Variants in MICAL2 observed in about 807,000 individuals in gnomAD.
MICAL2 encodes microtubule associated monooxygenase, calponin and LIM domain containing 2, also known as [F-actin]-monooxygenase MICAL2.
Under a neutral mutation model 127.3 loss-of-function variants are expected in MICAL2, and 77 were observed. The observed-to-expected ratio is 0.60, with a 90% CI of 0.50 to 0.73. MICAL2 has a LOEUF of 0.73. Among genes scored for constraint, MICAL2 ranks in the 30% least tolerant of loss-of-function variants. The pLI is 0.00. For synonymous variants in MICAL2, 570 were observed against 551.1 expected (o/e 1.03, Z -0.48); for missense variants, 1,351 against 1,434.4 (o/e 0.94, Z 0.94).
intron 3 of MICAL2, among the ~76,000 whole-genome samples, chr11:12,193,487 T>C (rs1227760549): frequency 6.6e-6 from 1 of 152,188 alleles, no homozygotes; most frequent in Non-Finnish European, 1.5e-5. Context: ...CTGTTGTCCA[T>C]GGATAGGATC....
intron 3 of MICAL2, among the ~76,000 whole-genome samples, chr11:12,167,052 C>T (rs11022217): frequency 0.39 from 59,760 of 151,890 alleles, 14,483 homozygotes; most frequent in Middle Eastern, 0.61. Context: ...AACAGAGGGT[C>T]TCGTACTCAA....
In MICAL2 at chr11:12,244,018, C is replaced by T. The variant is rs1590599723; in HGVS notation, c.2690C>T (p.Thr897Ile). The change falls in exon 21 of 28, where the codon ACT becomes ATT. Residue 897 changes from threonine to isoleucine, a missense_variant. Thr to Ile is a moderately conservative substitution (Grantham distance 89). Coordinates refer to ENST00000683283, the MANE Select transcript of MICAL2 (RefSeq NM_001282663.2). ...CTACTCTCTAAAGGCCTGTCTCATA[C>T]TCATCCTCCATCTCCTCCCTCTCGC... ...NKLLSKGLSH[T>I]HPPSPPSRLP... 1 of 1,613,874 alleles carries T rather than the reference C, an allele frequency of 6.2e-7. No individual in the cohort carries two copies. The highest frequency in any genetic ancestry group is 8.5e-7 in the Non-Finnish European group (1 of 1,179,734).
downstream of MICAL2, among the ~76,000 whole-genome samples, chr11:12,288,375 T>A (rs1209916338): frequency 1.3e-5 from 2 of 151,966 alleles, no homozygotes; most frequent in East Asian, 3.9e-4. Context: ...GTGCCACCAG[T>A]GTGGGGGATC....
At chr11:12,241,645 T>C (rs920507435) in intron 18 of MICAL2, among the ~76,000 whole-genome samples, 8 of 152,172 alleles carry the variant, frequency 5.3e-5, no homozygotes, top group Non-Finnish European at 1.2e-4. Context: ...CAGCTGGCAG[T>C]CACGGAGTAT....
chr11:12,239,617 C>T (rs778016232), intron 17 of MICAL2, 32 bp downstream of exon 17: 2 of 1,604,464 alleles, frequency 1.2e-6, no homozygotes. Context: ...CTGGACCTAA[C>T]TTCCTGGTGA....
intron 21 of MICAL2, among the ~76,000 whole-genome samples, chr11:12,246,552 A>C (rs191220012): frequency 2.0e-5 from 3 of 152,232 alleles, no homozygotes; most frequent in Non-Finnish European, 4.4e-5. Context: ...TTCTCCACCA[A>C]TGTCACTCCA....
At chr11:12,183,834 G>A (rs1020892462) in intron 3 of MICAL2, among the ~76,000 whole-genome samples, 2 of 152,048 alleles carry the variant, frequency 1.3e-5, no homozygotes, top group Non-Finnish European at 1.5e-5. Context: ...AGGCTGTTGT[G>A]CAGTGGCACA....
chr11:12,301,023 G>T (rs1808113), intron 29 of MICAL2, among the ~76,000 whole-genome samples: 63,081 of 152,108 alleles, frequency 0.41, 15,167 homozygotes, highest in Non-Finnish European at 0.55. Flanking sequence ...GTTCCACATG[G>T]CTGGGGAGGC....
intron 13 of MICAL2, among the ~76,000 whole-genome samples, chr11:12,225,078 C>T (rs574184427): frequency 7.1e-6 from 1 of 140,514 alleles, no homozygotes; most frequent in Admixed American, 6.9e-5. Context: ...ACTACCCTTC[C>T]CCCCCGAGCC....
Position 12,152,212 on chromosome 11 carries a change from C to T in MICAL2, c.-77-9867C>T, listed in dbSNP as rs1014944624. Among the ~76,000 whole-genome samples, 3 of 139,552 alleles carry T rather than the reference C, an allele frequency of 2.1e-5. No individual in the cohort carries two copies. In the Admixed American group the frequency reaches 2.3e-4, roughly 11 times the overall value. 91.6% of individuals were successfully genotyped at this position (139,552 alleles called of 152,430 possible). On this transcript the variant is annotated intron_variant, in intron 2 of 27. Transcript: ENST00000683283. ...ACTTGGGAGGCTGAGGCAGGAGAAT[C>T]GCTTGAACCCAGGAGGTGGAGGTTG...
At chr11:12,244,224 T>G (rs1313426988) in intron 21 of MICAL2, 112 bp downstream of exon 21, 9 of 1,445,898 alleles carry the variant, frequency 6.2e-6, no homozygotes, top group Non-Finnish European at 3.8e-6. Context: ...GAATAAAAAT[T>G]TGTAAGATAT....
chr11:12,249,319 C>A, intron 22 of MICAL2, 73 bp downstream of exon 22: 1 of 873,756 alleles, frequency 1.1e-6, no homozygotes, highest in Non-Finnish European at 1.9e-6. Context: ...CTGCAGGGCT[C>A]TGGGAGTTAA....
At chr11:12,113,694 G>A (rs1849774043) in intron 1 of MICAL2, among the ~76,000 whole-genome samples, 1 of 152,192 alleles carries the variant, frequency 6.6e-6, no homozygotes, top group Admixed American at 6.5e-5. Context: ...TATCATTAAT[G>A]TTGTAATCTC....
At chr11:12,248,616 G>T (rs1861096989) in intron 21 of MICAL2, among the ~76,000 whole-genome samples, 1 of 152,230 alleles carries the variant, frequency 6.6e-6, no homozygotes, top group African/African-American at 2.4e-5. Context: ...ACTGAGCATT[G>T]CAAAAGGAGC....
chr11:12,167,391 C>T lies in MICAL2; in HGVS notation c.264+4972C>T, dbSNP rs761863178. Among the ~76,000 whole-genome samples the T allele has an allele frequency of 4.6e-5, 7 of 152,142 alleles. No individual in the cohort carries two copies. In the South Asian group the frequency reaches 1.0e-3, roughly 23 times the overall value. ...TGTAGCCCAGGCCCCGGTTTGTGCT[C>T]GAGGGCCAGACGGCCCTATGGTCCC... On this transcript the variant is annotated intron_variant, in intron 3 of 27. Transcript: ENST00000683283.
chr11:12,244,150 C>T (rs1236428173), intron 21 of MICAL2, 38 bp downstream of exon 21: 1 of 1,612,622 alleles, frequency 6.2e-7, no homozygotes, highest in East Asian at 2.2e-5. Context: ...CTATTCCCTG[C>T]ATGTTCCCAG....
At chr11:12,264,554 G>A (rs763580184), downstream of MICAL2, among the ~76,000 whole-genome samples, 42 of 144,608 alleles carry the variant, frequency 2.9e-4, no homozygotes, top group Non-Finnish European at 5.6e-4. Flanking sequence ...CTGGCTGGGC[G>A]TAGCTGGGCG....
rs1856657430 is a variant in MICAL2 at position 12,220,221 on chromosome 11, G to A, written c.969G>A (p.Met323Ile). The A allele has an allele frequency of 6.2e-7, 1 of 1,614,182 alleles. No homozygotes were observed. Among genetic ancestry groups the A allele is most frequent in the Non-Finnish European group, 8.5e-7 (1 of 1,180,036 alleles). ...CCCAGGACTACATCGACACAGAGAT[G>A]CTGCTGTGTGCGGAGAACGTGAACC... ...VIINDYIDTE[M>I]LLCAENVNQD... Residue 323 changes from methionine (M) to isoleucine (I), a missense_variant, in exon 9 of 28, where the codon ATG (methionine) becomes ATA (isoleucine). This residue lies in a region of MICAL2 where 599 missense variants were observed against 714.9 expected (regional missense o/e 0.84). Coordinates refer to ENST00000683283, the MANE Select transcript of MICAL2 (RefSeq NM_001282663.2).
At chr11:12,287,070 C>A in intron 2 of MICAL2, 1 of 398,912 alleles carries the variant, frequency 2.5e-6, no homozygotes, top group Non-Finnish European at 4.4e-6. Context: ...CTTCCCTGTC[C>A]CTTTCTTTTT....
Sources: allele counts gnomAD v4.1 joint callset (sites outside exome capture counted in the v4.1 genomes callset), GRCh38; gene constraint gnomAD v4.1.1; regional missense constraint gnomAD v4.1.1; transcripts MANE v1.5; gene names NCBI Gene and HGNC (gene_info 2026-07-23, HGNC 2026-07-21).